COL18A1: variants seen among roughly 807,000 people sequenced by gnomAD.
COL18A1 encodes collagen alpha-1(XVIII) chain.
A neutral mutation model predicts 168.0 loss-of-function variants in COL18A1; 133 were observed. The ratio of observed to expected loss-of-function variants is 0.79; its 90% confidence interval spans 0.69 to 0.91. COL18A1 has a LOEUF of 0.91. COL18A1 is among the 40% of genes least tolerant of loss of function. The pLI is 0.00. For synonymous variants in COL18A1, 949 were observed against 809.0 expected (o/e 1.17, Z -2.94); for missense variants, 2,126 against 1,925.4 (o/e 1.10, Z -1.95).
At chr21:45,497,897 G>T (rs893144050) in intron 32 of COL18A1, 11 of 616,468 alleles carry the variant, frequency 1.8e-5, no homozygotes, top group Non-Finnish European at 2.9e-5. Context: ...ATCACCTCCT[G>T]AGGAGCAGAT....
At chr21:45,450,865 G>A (rs931170515) in intron 2 of COL18A1, among the ~76,000 whole-genome samples, 7 of 152,240 alleles carry the variant, frequency 4.6e-5, no homozygotes, top group Admixed American at 2.6e-4. Context: ...CGTGGCTGGC[G>A]TGGCAGTGGT....
chr21:45,442,000 G>T (rs764323562), intron 2 of COL18A1, among the ~76,000 whole-genome samples: 1 of 152,240 alleles, frequency 6.6e-6, no homozygotes, highest in Non-Finnish European at 1.5e-5. Flanking sequence ...TGTGCATCTT[G>T]TGTGCTTCTC....
chr21:45,426,631 C>G (rs1008900397), intron 2 of COL18A1, among the ~76,000 whole-genome samples: 1 of 152,228 alleles, frequency 6.6e-6, no homozygotes, highest in African/African-American at 2.4e-5. Context: ...CCTTGGGTGC[C>G]AGGCCTGGCC....
intron 2 of COL18A1, among the ~76,000 whole-genome samples, chr21:45,436,648 G>C (rs2034107011): frequency 6.6e-6 from 1 of 152,092 alleles, no homozygotes; most frequent in Admixed American, 6.5e-5. Flanking sequence ...CTGTGGCTGG[G>C]GTGGGGCTGA....
chr21:45,467,759 T>C (rs1445987978), intron 2 of COL18A1, among the ~76,000 whole-genome samples: 1 of 150,954 alleles, frequency 6.6e-6, no homozygotes, highest in Non-Finnish European at 1.5e-5. Context: ...AGGGTCAGAG[T>C]GGGCGGGCAG....
rs61736805 is a variant in COL18A1, at chr21:45,512,201, G to A, written c.3823G>A (p.Val1275Met). The A allele has an allele frequency of 2.1e-5, 34 of 1,612,326 alleles. 1 individual carries two copies. Among genetic ancestry groups the A allele is most frequent in the Admixed American group, 1.0e-4 (6 of 59,958 alleles). The change falls in exon 42 of 42, where the codon GTG becomes ATG. Residue 1275 changes from valine to methionine, a missense_variant. Physicochemically the swap from Val to Met is conservative, Grantham distance 21. Transcript: ENST00000651438. The part of the protein sequence containing the change: ...LRHPTWPQKS[V>M]WHGSDPNGRR... ...CGCGTCTTACAGGCCCCAGAAGAGC[G>A]TGTGGCATGGCTCGGACCCCAACGG...
Position 45,507,658 on chromosome 21 carries a change from CCT to C in COL18A1, c.3249+66_3249+67del, listed in dbSNP as rs141947615. 1,197 of 1,480,224 alleles carry C rather than the reference CCT, an allele frequency of 8.1e-4. 8 individuals are homozygous for C. The highest frequency in any genetic ancestry group is 4.6e-3 in the East Asian group (200 of 43,688). 91.7% of individuals were successfully genotyped at this position (1,480,224 alleles called of 1,614,324 possible). ...GGACATGAGGGGGTATGTGCTGTCC[CCT>C]GTTTGAGGAACAACACGTGGTCCTT... On this transcript the variant is annotated intron_variant, in intron 38 of 41. Transcript: ENST00000651438.
intron 2 of COL18A1, among the ~76,000 whole-genome samples, chr21:45,430,081 G>A (rs940770434): frequency 7.3e-5 from 11 of 151,340 alleles, no homozygotes; most frequent in Non-Finnish European, 1.3e-4. Flanking sequence ...TCATGGTTTG[G>A]GGGCCCCCAT....
At chr21:45,430,826 C>T (rs1446062536) in intron 2 of COL18A1, among the ~76,000 whole-genome samples, 2 of 152,174 alleles carry the variant, frequency 1.3e-5, no homozygotes, top group African/African-American at 2.4e-5. Context: ...CCTGGGAAGC[C>T]GGGATCACGA....
Position 45,481,951 on chromosome 21 carries a change from G to A in COL18A1, c.1612-12G>A. On this transcript the variant is annotated splice_polypyrimidine_tract_variant and intron_variant, in intron 13 of 41. Transcript: ENST00000651438. ...ATGCCATCAAGACCCACTATGCTCT[G>A]CTCTCCCCCAGGGACCCCCAGGCCC... The A allele has an allele frequency of 6.2e-7, 1 of 1,604,328 alleles. No homozygotes were observed. Among genetic ancestry groups the A allele is most frequent in the Non-Finnish European group, 8.5e-7 (1 of 1,171,164 alleles).
Position 45,418,169 on chromosome 21 carries a change from G to A in COL18A1, c.106+12696G>A, listed in dbSNP as rs367566268. 4.5e-4 allele frequency among the ~76,000 whole-genome samples: 68 copies of A among 152,370 alleles called. 1 individual carries two copies. The South Asian group carries it at 0.013, about 30-fold the overall frequency. On this transcript the variant is annotated intron_variant, in intron 2 of 41. Transcript: ENST00000651438. ...TTCCAGGGGAGCCGGCTCTGACTCC[G>A]AGCTCTTTGTGGGCTGCATCTGCAG...
rs1316627313 is a variant in COL18A1 at position 45,425,529 on chromosome 21, C to G, written c.106+20056C>G. 1.3e-5 allele frequency among the ~76,000 whole-genome samples: 2 copies of G among 152,230 alleles called. No homozygotes were observed. The highest frequency in any genetic ancestry group is 1.9e-4 in the East Asian group (1 of 5,194). On this transcript the variant is annotated intron_variant, in intron 2 of 41. Transcript: ENST00000651438. The surrounding 1 kb of genome is among the most constrained non-coding windows in gnomAD (Gnocchi z 4.1). ...TCACAACCCCACTCACCCACACCCT[C>G]CTGCATGAACACTGCACAGCTACCT...
Position 45,463,534 on chromosome 21 carries a change from C to T in COL18A1, c.107-4708C>T, listed in dbSNP as rs2035107715. Among the ~76,000 whole-genome samples the T allele has an allele frequency of 6.6e-6, 1 of 152,220 alleles. No homozygotes were observed. Among genetic ancestry groups the T allele is most frequent in the African/African-American group, 2.4e-5 (1 of 41,460 alleles). ...GTTAATTAGTTGGGGAGATGGATTC[C>T]TGGCGCTTTCCATCTGCCATTTACC... On this transcript the variant is annotated intron_variant, in intron 2 of 41. Transcript: ENST00000651438. This position sits in a 1 kb window ranked among gnomAD's most constrained non-coding sequence, Gnocchi z 4.0.
rs2034777277 is a variant in COL18A1, at chr21:45,455,716, A to G, written c.107-12526A>G. ...TGCAGCCCACAGCAGATACCACCAC[A>G]CACGTGACCCCCCGGAATGGTTCCA... On this transcript the variant is annotated intron_variant, in intron 2 of 41. Transcript: ENST00000651438. The G allele has an allele frequency of 3.1e-6, 5 of 1,613,760 alleles. No homozygotes were observed. The highest frequency in any genetic ancestry group is 2.5e-6 in the Non-Finnish European group (3 of 1,179,946).
At chr21:45,503,767 C>T (rs1443705110) in intron 32 of COL18A1, among the ~76,000 whole-genome samples, 3 of 150,882 alleles carry the variant, frequency 2.0e-5, no homozygotes, top group Non-Finnish European at 4.4e-5. Context: ...GCACATGTAC[C>T]CTAAAACTTA....
At chr21:45,506,432 C>T (rs1450274415) in intron 37 of COL18A1, 10 of 295,570 alleles carry the variant, frequency 3.4e-5, no homozygotes, top group African/African-American at 1.5e-4. Flanking sequence ...CTGCTTAGCA[C>T]GGGCCTTGCT....
At chr21:45,437,105 A>ACT (rs1478971667) in intron 2 of COL18A1, among the ~76,000 whole-genome samples, 4 of 102,388 alleles carry the variant, frequency 3.9e-5, no homozygotes, top group Admixed American at 8.7e-5. Context: ...ACTCTCCTGC[A>ACT]CACACACTCA....
At chr21:45,487,243 A>G (rs1408177988) in intron 16 of COL18A1, among the ~76,000 whole-genome samples, 2 of 152,118 alleles carry the variant, frequency 1.3e-5, no homozygotes, top group African/African-American at 4.8e-5. Flanking sequence ...AGAGCGAATG[A>G]GCTGACCCGA....
chr21:45,405,515 C>T (rs762727400), intron 2 of COL18A1, 42 bp downstream of exon 2: 3 of 1,209,598 alleles, frequency 2.5e-6, no homozygotes, highest in South Asian at 4.7e-5. Context: ...CCGGTGCCCG[C>T]CGGCCTCGCC....
Sources: allele counts gnomAD v4.1 joint callset (sites outside exome capture counted in the v4.1 genomes callset), GRCh38; gene constraint gnomAD v4.1.1; non-coding constraint Gnocchi (gnomAD v3.1); transcripts MANE v1.5; gene names NCBI Gene and HGNC (gene_info 2026-07-23, HGNC 2026-07-21).